The following PAPSS2 variants were observed in gnomAD, a reference collection of about 807,000 sequenced individuals.
PAPSS2 encodes 3'-phosphoadenosine 5'-phosphosulfate synthase 2.
Under a neutral mutation model 66.5 loss-of-function variants are expected in PAPSS2, and 61 were observed. The observed-to-expected ratio is 0.92, with a 90% CI of 0.75 to 1.14. The LOEUF is 1.14. Ranked by LOEUF, PAPSS2 falls within the 50% of genes most tolerant of loss-of-function variation. The pLI, the probability that PAPSS2 is intolerant of heterozygous loss-of-function variation, is 0.00. For missense variants in PAPSS2, 708 were observed against 789.6 expected (o/e 0.90, Z 1.24); for synonymous variants, 289 against 287.5 (o/e 1.01, Z -0.05).
At chr10:87,742,478 AT>A (rs1029433145) in intron 10 of PAPSS2, among the ~76,000 whole-genome samples, 1 of 152,102 alleles carries the variant, frequency 6.6e-6, no homozygotes. Flanking sequence ...AGGATTGGTG[AT>A]TTTTATATTC....
rs371191360 is a variant in PAPSS2, at chr10:87,707,311, G to A, written c.28-1885G>A. Among the ~76,000 whole-genome samples the A allele has an allele frequency of 3.9e-5, 6 of 152,264 alleles. No individual in the cohort carries two copies. The East Asian group carries it at 7.7e-4, about 20-fold the overall frequency. On this transcript the variant is annotated intron_variant, in intron 1 of 12. Transcript: ENST00000456849. ...TTTCCTAATTTGACACTGAAAGGCC[G>A]GTAGGGTCCCCTAAGTCTTGAAGCC... is the stretch of plus-strand genomic sequence containing the variant.
At chr10:87,709,069 T>G (rs1853430914) in intron 1 of PAPSS2, 127 bp from the exon 2 acceptor site, 5 of 629,872 alleles carry the variant, frequency 7.9e-6, no homozygotes, top group African/African-American at 3.7e-5. Flanking sequence ...TTTCAAAATA[T>G]TTTTTATATA....
intron 1 of PAPSS2, among the ~76,000 whole-genome samples, chr10:87,694,040 G>A (rs932323087): frequency 6.6e-6 from 1 of 152,136 alleles, no homozygotes; most frequent in African/African-American, 2.4e-5. Flanking sequence ...TTAAACTTCT[G>A]TTACTCATTC....
chr10:87,681,209 C>T (rs1042625101), intron 1 of PAPSS2, among the ~76,000 whole-genome samples: 3 of 152,134 alleles, frequency 2.0e-5, no homozygotes, highest in African/African-American at 4.8e-5. Flanking sequence ...AGCGTTGGAT[C>T]GTGTGAATAT....
intron 1 of PAPSS2, among the ~76,000 whole-genome samples, chr10:87,676,812 G>T (rs1207034391): frequency 7.1e-6 from 1 of 141,360 alleles, no homozygotes; most frequent in Non-Finnish European, 1.5e-5. Flanking sequence ...TTCCAGGCCT[G>T]CAGTAAGCCC....
chr10:87,725,808 G>T (rs1853651137), intron 8 of PAPSS2, among the ~76,000 whole-genome samples: 1 of 151,570 alleles, frequency 6.6e-6, no homozygotes, highest in South Asian at 2.1e-4. Context: ...TGACCCTCTT[G>T]CCTCAGCCTC....
chr10:87,691,326 G>A (rs1853168520), intron 1 of PAPSS2, among the ~76,000 whole-genome samples: 1 of 152,050 alleles, frequency 6.6e-6, no homozygotes, highest in African/African-American at 2.4e-5. Flanking sequence ...AGTATTCCAG[G>A]CATACAGATT....
chr10:87,731,157 A>G (rs941367695), intron 9 of PAPSS2, among the ~76,000 whole-genome samples: 1 of 152,218 alleles, frequency 6.6e-6, no homozygotes, highest in Non-Finnish European at 1.5e-5. Flanking sequence ...CTTTAAGTTG[A>G]AGCCAGTGCT....
intron 8 of PAPSS2, among the ~76,000 whole-genome samples, chr10:87,723,352 A>G (rs1456437055): frequency 1.3e-5 from 2 of 152,188 alleles, no homozygotes; most frequent in Non-Finnish European, 2.9e-5. Flanking sequence ...AGCAACCTCC[A>G]TTAACATAGT....
intron 1 of PAPSS2, among the ~76,000 whole-genome samples, chr10:87,700,960 C>A (rs904030804): frequency 3.5e-4 from 53 of 151,632 alleles, no homozygotes; most frequent in African/African-American, 1.3e-3. Context: ...TTAATTGTAT[C>A]GAGGTAGCTA....
At chr10:87,729,975 C>A (rs1031625908) in intron 9 of PAPSS2, among the ~76,000 whole-genome samples, 1 of 151,966 alleles carries the variant, frequency 6.6e-6, no homozygotes, top group African/African-American at 2.4e-5. Flanking sequence ...CAGCCTGCAA[C>A]AAGAGCGATA....
intron 9 of PAPSS2, among the ~76,000 whole-genome samples, chr10:87,729,840 T>C (rs1377638134): frequency 6.6e-6 from 1 of 151,870 alleles, no homozygotes; most frequent in East Asian, 1.9e-4. Context: ...CTACTAAAAA[T>C]ACAAAATTAG....
intron 9 of PAPSS2, among the ~76,000 whole-genome samples, chr10:87,731,876 T>C (rs1853733985): frequency 6.6e-6 from 1 of 152,222 alleles, no homozygotes. Context: ...TAGAATCTAC[T>C]CCTGGTGAAG....
At chr10:87,735,397 A>G (rs1564727586) in intron 9 of PAPSS2, among the ~76,000 whole-genome samples, 1 of 152,154 alleles carries the variant, frequency 6.6e-6, no homozygotes, top group Non-Finnish European at 1.5e-5. Flanking sequence ...CCCCTTCACC[A>G]ATAGATAGAG....
intron 1 of PAPSS2, among the ~76,000 whole-genome samples, chr10:87,708,267 C>T (rs1207169636): frequency 6.6e-6 from 1 of 152,178 alleles, no homozygotes. Context: ...AGCTTCCAAA[C>T]CTAATAACTA....
chr10:87,665,415 G>A (rs76805424), intron 1 of PAPSS2, among the ~76,000 whole-genome samples: 6 of 152,264 alleles, frequency 3.9e-5, no homozygotes, highest in Non-Finnish European at 7.4e-5. Flanking sequence ...GTTTCACCGC[G>A]TTAACCAGGA....
At chr10:87,668,463 C>G (rs1421260013) in intron 1 of PAPSS2, among the ~76,000 whole-genome samples, 1 of 152,174 alleles carries the variant, frequency 6.6e-6, no homozygotes, top group African/African-American at 2.4e-5. Flanking sequence ...CTATTCTAAA[C>G]ACAGCATTTG....
intron 1 of PAPSS2, among the ~76,000 whole-genome samples, chr10:87,692,922 C>T (rs1853189010): frequency 6.6e-6 from 1 of 152,128 alleles, no homozygotes. Context: ...TAACAACCCC[C>T]AATGTTGATT....
chr10:87,708,370 A>G (rs1232789722), intron 1 of PAPSS2, among the ~76,000 whole-genome samples: 2 of 152,228 alleles, frequency 1.3e-5, no homozygotes, highest in South Asian at 4.1e-4. Flanking sequence ...CTTGTGAAGA[A>G]GTAGCCCTGT....
Sources: gnomAD v4.1 joint callset for allele counts (sites outside exome capture counted in the v4.1 genomes callset) on GRCh38, gnomAD v4.1.1 for gene constraint, MANE v1.5 for transcripts, NCBI Gene and HGNC (gene_info 2026-07-23, HGNC 2026-07-21) for gene names.